Variants in NF1 observed in about 807,000 individuals in gnomAD.
The protein encoded by NF1 is neurofibromin 1.
A neutral mutation model predicts 325.7 loss-of-function variants in NF1; 122 were observed. That is an observed-to-expected ratio of 0.37 (90% CI 0.32 to 0.44). NF1 has a LOEUF of 0.44. Ranked by LOEUF, NF1 falls within the 20% of genes least tolerant of loss-of-function variation. NF1 has a pLI of 1.00. For synonymous variants in NF1, 1,091 were observed against 1,186.0 expected (o/e 0.92, Z 1.65); for missense variants, 2,140 against 3,415.4 (o/e 0.63, Z 9.31).
intron 2 of NF1, among the ~76,000 whole-genome samples, chr17:31,156,631 C>T (rs548336143): frequency 3.3e-5 from 5 of 152,264 alleles, no homozygotes; most frequent in African/African-American, 9.6e-5. Flanking sequence ...TAACCTGTGA[C>T]AGATTCTGTA....
intron 1 of NF1, among the ~76,000 whole-genome samples, chr17:31,143,005 G>A (rs923010372): frequency 3.3e-5 from 5 of 151,978 alleles, no homozygotes; most frequent in Non-Finnish European, 7.4e-5. Context: ...TGATCTGTTA[G>A]TTATGTAAAC....
chr17:31,365,715 T>C (rs1282181078), intron 57 of NF1, among the ~76,000 whole-genome samples: 1 of 152,190 alleles, frequency 6.6e-6, no homozygotes, highest in Admixed American at 6.5e-5. Context: ...GCCTTCAATA[T>C]ATTTCAGATC....
At chr17:31,366,719 G>A (rs541255582) in intron 57 of NF1, among the ~76,000 whole-genome samples, 35 of 152,192 alleles carry the variant, frequency 2.3e-4, no homozygotes, top group African/African-American at 7.7e-4. Context: ...TGAGACCCTC[G>A]TCTTTTAAAA....
At chr17:31,201,670 A>G (rs965281109) in intron 11 of NF1, among the ~76,000 whole-genome samples, 185 bp downstream of exon 11, 1 of 152,190 alleles carries the variant, frequency 6.6e-6, no homozygotes, top group Non-Finnish European at 1.5e-5. Flanking sequence ...TTTCATATTA[A>G]GTCTTGACCG....
At chr17:31,304,438 A>G (rs998114370) in intron 36 of NF1, 8 of 1,614,056 alleles carry the variant, frequency 5.0e-6, no homozygotes, top group Non-Finnish European at 6.8e-6. Flanking sequence ...TGATTGTATT[A>G]TCTCAGATTT....
At chr17:31,110,657 C>G (rs1913318735) in intron 1 of NF1, among the ~76,000 whole-genome samples, 1 of 151,952 alleles carries the variant, frequency 6.6e-6, no homozygotes, top group South Asian at 2.1e-4. Flanking sequence ...TGAAGTTCAT[C>G]AGACAAAGAC....
intron 40 of NF1, among the ~76,000 whole-genome samples, chr17:31,335,295 T>TATATATATATATATATATATAA (rs2069630412): frequency 2.3e-5 from 3 of 128,886 alleles, no homozygotes; most frequent in African/African-American, 9.7e-5. Flanking sequence ...TATATATATA[T>TATATATATATATATATATATAA]AATTATGCCT....
rs576247620 is a variant in NF1, at chr17:31,341,491, C to T, written c.7062+846C>T. Among the ~76,000 whole-genome samples, 4 of 151,998 alleles carry T rather than the reference C, an allele frequency of 2.6e-5. No individual in the cohort carries two copies. In the East Asian group the frequency reaches 7.7e-4, roughly 29 times the overall value. On this transcript the variant is annotated intron_variant, in intron 47 of 57. Coordinates refer to ENST00000358273, the MANE Select transcript of NF1 (RefSeq NM_001042492.3). Reference sequence around the variant, plus strand: ...TGAGCTGAGATCACGCCACTGCACTCCAGCTTGGGCAACAGAGCAAGACCC... The same window carrying T: ...TGAGCTGAGATCACGCCACTGCACTTCAGCTTGGGCAACAGAGCAAGACCC...
intron 39 of NF1, among the ~76,000 whole-genome samples, chr17:31,333,530 C>G (rs779221359): frequency 2.6e-5 from 4 of 152,094 alleles, no homozygotes; most frequent in Non-Finnish European, 5.9e-5. Context: ...ACCTCTATTG[C>G]ACAGATTTAT....
chr17:31,326,311 T>A (rs2151539351), intron 37 of NF1, 59 bp downstream of exon 37: 1 of 1,528,414 alleles, frequency 6.5e-7, no homozygotes, highest in Non-Finnish European at 9.0e-7. Context: ...AACTAGACTA[T>A]ATCCTGGCCT....
intron 35 of NF1, among the ~76,000 whole-genome samples, chr17:31,264,799 A>G (rs2067756897): frequency 6.6e-6 from 1 of 152,258 alleles, no homozygotes; most frequent in African/African-American, 2.4e-5. Flanking sequence ...TGGTTTTGAT[A>G]AAACTGAGTA....
chr17:31,342,233 G>T (rs145158849), intron 47 of NF1, among the ~76,000 whole-genome samples: 1 of 152,170 alleles, frequency 6.6e-6, no homozygotes, highest in Non-Finnish European at 1.5e-5. Context: ...TCTCATTGCC[G>T]TTTTTCTAAA....
chr17:31,262,658 A>G (rs1313834262), intron 35 of NF1, among the ~76,000 whole-genome samples: 1 of 152,204 alleles, frequency 6.6e-6, no homozygotes, highest in Non-Finnish European at 1.5e-5. Flanking sequence ...ATGGTTTTGT[A>G]CATATAACTC....
At chr17:31,109,999 C>T (rs1210564989) in intron 1 of NF1, among the ~76,000 whole-genome samples, 1 of 152,092 alleles carries the variant, frequency 6.6e-6, no homozygotes, top group Non-Finnish European at 1.5e-5. Context: ...ACGCTAGTTT[C>T]TTTAGAAATG....
intron 1 of NF1, among the ~76,000 whole-genome samples, chr17:31,114,672 A>G (rs1182601862): frequency 6.6e-6 from 1 of 151,682 alleles, no homozygotes; most frequent in Non-Finnish European, 1.5e-5. Context: ...TGGCCAACAT[A>G]GTAAAACCCT....
chr17:31,222,556 A>G, intron 15 of NF1: 2 of 1,021,814 alleles, frequency 2.0e-6, no homozygotes, highest in Non-Finnish European at 2.3e-6. Context: ...ACTCTAGAGT[A>G]GTGCTGTCCA....
rs753289678 is a variant in NF1, at chr17:31,327,847, T to C, written c.5609+8T>C. 2 of 1,612,842 alleles carry C rather than the reference T, an allele frequency of 1.2e-6. No homozygotes were observed. The highest frequency in any genetic ancestry group is 1.7e-5 in the Admixed American group (1 of 60,030). On this transcript the variant is annotated splice_region_variant and intron_variant, in intron 38 of 57. Coordinates refer to ENST00000358273, the MANE Select transcript of NF1 (RefSeq NM_001042492.3). ...TTCTGACCCGAGTTTACGGTAGGTT[T>C]TTTAAAATTCTCTTCAGTTTGATTT...
intron 36 of NF1, among the ~76,000 whole-genome samples, chr17:31,270,667 C>G (rs1467102620): frequency 1.3e-5 from 2 of 152,102 alleles, no homozygotes; most frequent in Non-Finnish European, 2.9e-5. Context: ...AAGAGTTTTC[C>G]TCTTAGGAAT....
intron 48 of NF1, 22 bp downstream of exon 48, chr17:31,343,157 T>A (rs1428228565): frequency 1.0e-5 from 16 of 1,592,018 alleles, no homozygotes; most frequent in Non-Finnish European, 1.3e-5. Context: ...TTATTTAGAA[T>A]ATTTTTATGA....
Sources: allele counts gnomAD v4.1 joint callset (sites outside exome capture counted in the v4.1 genomes callset), GRCh38; gene constraint gnomAD v4.1.1; transcripts MANE v1.5; gene names NCBI Gene and HGNC (gene_info 2026-07-23, HGNC 2026-07-21).